BTBD3: variants seen among roughly 807,000 people sequenced by gnomAD.
BTBD3 encodes the protein BTB domain containing 3.
BTBD3 carries 14 observed loss-of-function variants against 41.6 expected under a neutral mutation model. That is an observed-to-expected ratio of 0.34 (90% CI 0.22 to 0.53). The LOEUF is 0.53. Among genes scored for constraint, BTBD3 ranks in the 20% least tolerant of loss-of-function variants. BTBD3 has a pLI of 0.95. For missense variants in BTBD3, 426 were observed against 654.7 expected, an observed-to-expected ratio of 0.65 and a Z score of 3.81; for synonymous variants, 249 against 233.7, an observed-to-expected ratio of 1.07 and a Z score of -0.60.
chr20:11,896,909 A>T lies in BTBD3; in HGVS notation c.-126+5955A>T, dbSNP rs2056790394. Among the ~76,000 whole-genome samples the T allele has an allele frequency of 2.0e-5, 3 of 152,224 alleles. No homozygotes were observed. In the South Asian group the frequency reaches 6.2e-4, roughly 31 times the overall value. ...TTGGGGTGGTATAGGAGATGTCACT[A>T]GGGATTTTTCACAAGCAAATATTCC... On this transcript the variant is annotated intron_variant, in intron 1 of 4. Transcript: ENST00000254977.
chr20:11,925,951 A>G lies in BTBD3; in HGVS notation c.*2285A>G, dbSNP rs1480150342. 6.6e-6 allele frequency: 1 copy of G among 152,246 alleles called. No individual in the cohort carries two copies. The highest frequency in any genetic ancestry group is 1.5e-5 in the Non-Finnish European group (1 of 68,030). 9.4% of individuals were successfully genotyped at this position (152,246 alleles called of 1,614,324 possible). A position where few individuals can be genotyped will look rare whatever the true frequency, so the allele number is the denominator to read the frequency against. The stretch of plus-strand genomic sequence containing the variant: ...GTTATTACTTTAAAACATATCTACC[A>G]TCTGATTGGCTGGTACCGAGAGCTG... On this transcript the variant is annotated 3_prime_UTR_variant, in exon 4 of 4. Coordinates refer to ENST00000378226, the MANE Select transcript of BTBD3 (RefSeq NM_014962.4).
rs868536529 is a variant in BTBD3, at chr20:11,923,045, A to G, written c.948A>G (p.Ala316=). The G allele has an allele frequency of 2.5e-6, 4 of 1,614,092 alleles. No individual in the cohort carries two copies. In the Middle Eastern group the frequency reaches 4.9e-4, roughly 200 times the overall value. ...ATAAACGCAAGGTTCTAGGAAAGGCACTTTACTTGATCCGCATACCCACAA... is the reference window on the plus strand; with the variant it reads ...ATAAACGCAAGGTTCTAGGAAAGGCGCTTTACTTGATCCGCATACCCACAA... ...IENKRKVLGK[A]LYLIRIPTMA... Residue 316 remains alanine, a synonymous_variant, in exon 4 of 4, where the codon GCA becomes GCG. Transcript: ENST00000378226. This position sits in a 1 kb window ranked among gnomAD's most constrained non-coding sequence, Gnocchi z 5.3.
rs1049163779 is a variant in BTBD3 at position 11,919,627 on chromosome 20, A to G, written c.418-91A>G. 14 of 1,371,364 alleles carry G rather than the reference A, an allele frequency of 1.0e-5. No individual in the cohort carries two copies. The Admixed American group carries it at 1.4e-4, about 13-fold the overall frequency. 84.9% of individuals were successfully genotyped at this position (1,371,364 alleles called of 1,614,324 possible). ...AGATTTTAGGTACGCTATGTTTACT[A>G]AACCTGATTGCCTAGTGTTGTTTTT... is the stretch of plus-strand genomic sequence containing the variant. On this transcript the variant is annotated intron_variant, in intron 2 of 3. Transcript: ENST00000378226.
At chr20:11,909,672 T>C (rs2056877774) in intron 1 of BTBD3, 1 of 152,180 alleles carries the variant, frequency 6.6e-6, no homozygotes, top group East Asian at 1.9e-4. Context: ...AAGGATAGCA[T>C]TTCATTAAAT....
intron 1 of BTBD3, among the ~76,000 whole-genome samples, chr20:11,901,006 C>T (rs1482683507): frequency 3.3e-5 from 5 of 152,098 alleles, no homozygotes; most frequent in South Asian, 2.1e-4. Context: ...CCACCGCACC[C>T]GGCCAAAGTC....
chr20:11,923,124 A>G lies in BTBD3; in HGVS notation c.1027A>G (p.Asn343Asp). Residue 343 changes from asparagine (N) to aspartate (D), a missense_variant, in exon 4 of 4, where the codon AAT (asparagine) becomes GAT (aspartate). Asn to Asp is a conservative substitution (Grantham distance 23). Transcript: ENST00000378226. The surrounding 1 kb of genome is among the most constrained non-coding windows in gnomAD (Gnocchi z 5.3). ...TGCACAGTCCGGGGTATTAACTCTC[A>G]ATGAGACCAACGACATCTTCCTCTG... Reference protein sequence around the residue: ...GAAQSGVLTLNETNDIFLWYT... With the variant: ...GAAQSGVLTLDETNDIFLWYT... The G allele has an allele frequency of 1.2e-6, 2 of 1,614,024 alleles. No individual in the cohort carries two copies. The highest frequency in any genetic ancestry group is 8.5e-7 in the Non-Finnish European group (1 of 1,179,970).
At chr20:11,896,069 C>T (rs192606095) in intron 1 of BTBD3, among the ~76,000 whole-genome samples, 33 of 152,208 alleles carry the variant, frequency 2.2e-4, no homozygotes, top group African/African-American at 7.5e-4. Context: ...CTGGAAGGCT[C>T]GGAAGATGAA....
chr20:11,891,007 G>A (rs1446736158), intron 1 of BTBD3: 95 of 978,148 alleles, frequency 9.7e-5, no homozygotes, highest in Non-Finnish European at 1.2e-4. Flanking sequence ...CGTGCGCAGC[G>A]CGGGACCGCC....
At chr20:11,913,324 T>C (rs1029627980), upstream of BTBD3, 1 of 152,158 alleles carries the variant, frequency 6.6e-6, no homozygotes, top group Non-Finnish European at 1.5e-5. Flanking sequence ...CTGGAGAGCC[T>C]CTTCTGTTTT....
At chr20:11,892,731 CT>C (rs1337220619) in intron 1 of BTBD3, among the ~76,000 whole-genome samples, 3 of 152,026 alleles carry the variant, frequency 2.0e-5, no homozygotes, top group Non-Finnish European at 4.4e-5. Context: ...TTTTCTTTTC[CT>C]TTTTTAGCAT....
In BTBD3 at chr20:11,919,786, T is replaced by A. The variant is rs765107401; in HGVS notation, c.486T>A (p.Asp162Glu). 10 of 1,614,212 alleles carry A rather than the reference T, an allele frequency of 6.2e-6. No homozygotes were observed. The highest frequency in any genetic ancestry group is 8.5e-6 in the Non-Finnish European group (10 of 1,180,032). ...MFYGELAEDKDEIRIPDVEPA... is the reference protein window; with the variant it reads ...MFYGELAEDKEEIRIPDVEPA... ...ACGGAGAACTTGCAGAGGACAAAGA[T>A]GAAATCCGTATACCAGATGTCGAAC... Residue 162 changes from aspartate to glutamate, a missense_variant, in exon 3 of 4, where the codon GAT becomes GAA. Coordinates refer to ENST00000378226, the MANE Select transcript of BTBD3 (RefSeq NM_014962.4).
At chr20:11,901,895 T>G (rs974128316) in intron 1 of BTBD3, among the ~76,000 whole-genome samples, 1 of 152,194 alleles carries the variant, frequency 6.6e-6, no homozygotes, top group Admixed American at 6.5e-5. Context: ...GAGTGTGAAG[T>G]AGTTGTGAGG....
chr20:11,909,111 C>T (rs2056874039), intron 1 of BTBD3, among the ~76,000 whole-genome samples: 1 of 151,924 alleles, frequency 6.6e-6, no homozygotes, highest in Non-Finnish European at 1.5e-5. Flanking sequence ...CCCGTCTCTA[C>T]TAAAAATACA....
intron 1 of BTBD3, among the ~76,000 whole-genome samples, chr20:11,904,143 C>T (rs1447299839): frequency 6.6e-6 from 1 of 152,116 alleles, no homozygotes; most frequent in Non-Finnish European, 1.5e-5. Flanking sequence ...AAAGCAGCTA[C>T]CTGAGACTGT....
In BTBD3 at chr20:11,897,627, C is replaced by G. The variant is rs1332103062; in HGVS notation, c.-126+6673C>G. Among the ~76,000 whole-genome samples, 4 of 152,136 alleles carry G rather than the reference C, an allele frequency of 2.6e-5. No individual in the cohort carries two copies. The East Asian group carries it at 7.7e-4, about 29-fold the overall frequency. ...GAATCAGTTTAACTACTTTTCCCAT[C>G]CGTACTACCAGCATCTTTGTCCAAG... On this transcript the variant is annotated intron_variant, in intron 1 of 4. Coordinates refer to the BTBD3 transcript ENST00000254977.
chr20:11,908,514 T>G (rs2056870226), intron 1 of BTBD3, among the ~76,000 whole-genome samples: 1 of 151,966 alleles, frequency 6.6e-6, no homozygotes, highest in African/African-American at 2.4e-5. Context: ...TCATGAATAG[T>G]CCCCACTTTA....
At chr20:11,911,062 T>C (rs897033455) in intron 1 of BTBD3, among the ~76,000 whole-genome samples, 2 of 152,214 alleles carry the variant, frequency 1.3e-5, no homozygotes, top group African/African-American at 2.4e-5. Flanking sequence ...TCTGTTGAAT[T>C]GTACAAATTT....
intron 1 of BTBD3, among the ~76,000 whole-genome samples, chr20:11,900,403 C>T (rs746022291): frequency 9.2e-5 from 14 of 152,082 alleles, no homozygotes; most frequent in East Asian, 5.8e-4. Context: ...AAACACATCT[C>T]GTTTAAAGTT....
chr20:11,917,943 T>G lies in BTBD3; in HGVS notation c.-333T>G, dbSNP rs991187058. ...AGACTCACGCAGCTCCAGCCCATCT[T>G]GCTGACCTAATTCAGAAAAGAAGTG... On this transcript the variant is annotated 5_prime_UTR_variant, in exon 1 of 4. Transcript: ENST00000378226. 1.7e-5 allele frequency: 18 copies of G among 1,032,216 alleles called. No homozygotes were observed. In the African/African-American group the frequency reaches 3.1e-4, roughly 18 times the overall value. 63.9% of individuals were successfully genotyped at this position (1,032,216 alleles called of 1,614,324 possible). A position where few individuals can be genotyped will look rare whatever the true frequency, so the allele number is the denominator to read the frequency against.
Sources: gnomAD v4.1 joint callset for allele counts (sites outside exome capture counted in the v4.1 genomes callset) on GRCh38, gnomAD v4.1.1 for gene constraint, Gnocchi (gnomAD v3.1) non-coding constraint, MANE v1.5 for transcripts, NCBI Gene and HGNC (gene_info 2026-07-23, HGNC 2026-07-21) for gene names.